Variants in NCKAP1 observed in about 807,000 individuals in gnomAD.
NCKAP1 encodes the protein nck-associated protein 1.
Under a neutral mutation model 151.2 loss-of-function variants are expected in NCKAP1, and 21 were observed. That is an observed-to-expected ratio of 0.14 (90% CI 0.10 to 0.20). The LOEUF is 0.20. Ranked by LOEUF, NCKAP1 falls within the 10% of genes least tolerant of loss-of-function variation. The pLI is 1.00. For synonymous variants in NCKAP1, 484 were observed against 451.8 expected, an observed-to-expected ratio of 1.07 and a Z score of -0.90; for missense variants, 933 against 1,352.1, an observed-to-expected ratio of 0.69 and a Z score of 4.86.
Position 182,913,308 on chromosome 2 carries a change from C to T in NCKAP1, c.*12394G>A, listed in dbSNP as rs1696423423. On this transcript the variant is annotated 3_prime_UTR_variant, in exon 31 of 31. Transcript: ENST00000361354. The stretch of plus-strand genomic sequence containing the variant: ...AGTTCATGTGTTGGAAATTTGGTCC[C>T]CAGTGCAGCAGTGTTGAGAGGTGGG... The T allele has an allele frequency of 6.6e-6, 1 of 152,192 alleles. No individual in the cohort carries two copies. Among genetic ancestry groups the T allele is most frequent in the South Asian group, 2.1e-4 (1 of 4,826 alleles). 9.4% of individuals were successfully genotyped at this position (152,192 alleles called of 1,614,324 possible). A position where few individuals can be genotyped will look rare whatever the true frequency, so the allele number is the denominator to read the frequency against.
intron 29 of NCKAP1, chr2:182,927,192 T>C (rs181988211): frequency 7.5e-5 from 21 of 279,288 alleles, no homozygotes; most frequent in African/African-American, 3.7e-4. Context: ...TTCAAATTAT[T>C]TTCTCTTATC....
intron 28 of NCKAP1, 151 bp from the exon 29 acceptor site, chr2:182,928,377 T>A: frequency 1.8e-6 from 1 of 567,680 alleles, no homozygotes; most frequent in Non-Finnish European, 3.1e-6. Context: ...TTGACTTTCA[T>A]GAACACTGAT....
chr2:182,933,974 G>A (rs1305590171), intron 26 of NCKAP1, among the ~76,000 whole-genome samples: 1 of 152,072 alleles, frequency 6.6e-6, no homozygotes, highest in Admixed American at 6.6e-5. Context: ...GCTCACAGAA[G>A]TCTGCCAACC....
At chr2:183,004,092 A>G (rs1308419796) in intron 2 of NCKAP1, among the ~76,000 whole-genome samples, 1 of 152,186 alleles carries the variant, frequency 6.6e-6, no homozygotes, top group Non-Finnish European at 1.5e-5. Flanking sequence ...GACACTCTTG[A>G]GTATAGTTTA....
intron 28 of NCKAP1, 39 bp from the exon 29 acceptor site, chr2:182,928,265 A>G (rs1303933983): frequency 1.8e-5 from 25 of 1,377,378 alleles, no homozygotes; most frequent in Middle Eastern, 1.8e-4. Flanking sequence ...ACCCCAAAAT[A>G]GCAAATAATA....
At chr2:183,009,131 T>G (rs1050766193) in intron 2 of NCKAP1, among the ~76,000 whole-genome samples, 1 of 152,128 alleles carries the variant, frequency 6.6e-6, no homozygotes, top group African/African-American at 2.4e-5. Context: ...CCCAGCACTT[T>G]GGGAGGCCGA....
At chr2:182,933,721 G>C (rs1696813295) in intron 26 of NCKAP1, among the ~76,000 whole-genome samples, 1 of 151,832 alleles carries the variant, frequency 6.6e-6, no homozygotes, top group East Asian at 1.9e-4. Context: ...AGCCTGAGTG[G>C]CACCAATTTC....
intron 16 of NCKAP1, among the ~76,000 whole-genome samples, chr2:182,965,389 A>G (rs2105837031): frequency 6.6e-6 from 1 of 152,096 alleles, no homozygotes; most frequent in Non-Finnish European, 1.5e-5. Flanking sequence ...CAGTGGCACA[A>G]TCACAGTTCA....
intron 20 of NCKAP1, among the ~76,000 whole-genome samples, chr2:182,955,487 A>G (rs1697305613): frequency 6.6e-6 from 1 of 152,204 alleles, no homozygotes; most frequent in Non-Finnish European, 1.5e-5. Flanking sequence ...TTATCAATGC[A>G]CTATTTCATA....
intron 2 of NCKAP1, among the ~76,000 whole-genome samples, chr2:183,009,475 G>GAAGGGAGCAAGC: frequency 1.0e-5 from 1 of 100,288 alleles, no homozygotes; most frequent in Non-Finnish European, 2.0e-5. Context: ...AGGAAGGAAG[G>GAAGGGAGCAAGC]AAGCAAGCAA....
intron 26 of NCKAP1, among the ~76,000 whole-genome samples, chr2:182,931,912 T>G (rs1458721948): frequency 6.6e-6 from 1 of 152,000 alleles, no homozygotes; most frequent in Non-Finnish European, 1.5e-5. Flanking sequence ...AATGCAAATA[T>G]AAACAATGAG....
intron 8 of NCKAP1, 44 bp from the exon 9 acceptor site, chr2:182,989,230 A>G (rs781093925): frequency 6.7e-7 from 1 of 1,500,716 alleles, no homozygotes; most frequent in South Asian, 1.3e-5. Context: ...ATGTACAAGT[A>G]TTCCAAAGTT....
intron 26 of NCKAP1, among the ~76,000 whole-genome samples, chr2:182,931,696 T>C (rs1696768182): frequency 6.6e-6 from 1 of 151,924 alleles, no homozygotes. Flanking sequence ...CTAAAAGACA[T>C]CATCAACCTA....
At chr2:183,035,283 T>TA (rs962780096) in intron 1 of NCKAP1, among the ~76,000 whole-genome samples, 8,317 of 144,066 alleles carry the variant, frequency 0.058, 750 homozygotes, top group African/African-American at 0.19. Context: ...CTGATGAAAT[T>TA]AAAAAAAAAA....
intron 13 of NCKAP1, among the ~76,000 whole-genome samples, chr2:182,980,826 T>C (rs1697921981): frequency 6.6e-6 from 1 of 152,158 alleles, no homozygotes; most frequent in African/African-American, 2.4e-5. Flanking sequence ...TCACCTCTCA[T>C]CTAGCCTACT....
rs1205836701 is a variant in NCKAP1 at position 182,956,748 on chromosome 2, A to G, written c.2022-155T>C. On this transcript the variant is annotated intron_variant, in intron 19 of 30. Coordinates refer to ENST00000361354, the MANE Select transcript of NCKAP1 (RefSeq NM_013436.5). ...GAGAAAGTTCAAAATCTTTAAGGTT[A>G]TAACTAACACATAAGAGCAATATTC... 8 of 692,362 alleles carry G rather than the reference A, an allele frequency of 1.2e-5. No individual in the cohort carries two copies. In the South Asian group the frequency reaches 1.4e-4, roughly 12 times the overall value. The allele number at this position is 692,362 out of a possible 1,614,324, so 42.9% of individuals were successfully genotyped here.
intron 24 of NCKAP1, 46 bp from the exon 25 acceptor site, chr2:182,935,421 C>G (rs1227144819): frequency 8.4e-7 from 1 of 1,187,710 alleles, no homozygotes; most frequent in Non-Finnish European, 1.2e-6. Context: ...AAAGTGTGAA[C>G]TGGATTCTTT....
chr2:182,956,532 T>C lies in NCKAP1; in HGVS notation c.2083A>G (p.Met695Val). ...LCFSINYVPN[M>V]VVWEHTFTPR... ...GTAAAGGTATGTTCCCATACCACCA[T>C]GTTTGGTACATAATTTATAGAGAAG... is the stretch of plus-strand genomic sequence containing the variant. Residue 695 changes from methionine to valine, a missense_variant, in exon 20 of 31, where the codon ATG (methionine) becomes GTG (valine). Coordinates refer to ENST00000361354, the MANE Select transcript of NCKAP1 (RefSeq NM_013436.5). 1.9e-6 allele frequency: 3 copies of C among 1,610,852 alleles called. No individual in the cohort carries two copies. Among genetic ancestry groups the C allele is most frequent in the Non-Finnish European group, 2.5e-6 (3 of 1,178,012 alleles).
At chr2:183,023,411 T>C in intron 2 of NCKAP1, among the ~76,000 whole-genome samples, 1 of 152,144 alleles carries the variant, frequency 6.6e-6, no homozygotes, top group Non-Finnish European at 1.5e-5. Flanking sequence ...TAAAACTAAA[T>C]ACAGCTAACT....
Sources: gnomAD v4.1 joint callset for allele counts (sites outside exome capture counted in the v4.1 genomes callset) on GRCh38, gnomAD v4.1.1 for gene constraint, MANE v1.5 for transcripts, NCBI Gene and HGNC (gene_info 2026-07-23, HGNC 2026-07-21) for gene names.